ENAH: variants seen among roughly 807,000 people sequenced by gnomAD.
The protein encoded by ENAH is ENAH actin regulator.
Under a neutral mutation model 78.7 loss-of-function variants are expected in ENAH, and 23 were observed. That is an observed-to-expected ratio of 0.29 (90% CI 0.21 to 0.41). The LOEUF is 0.41. Among genes scored for constraint, ENAH ranks in the 10% least tolerant of loss-of-function variants. The probability of loss-of-function intolerance (pLI) is 1.00; values close to 1 mark genes in which losing one functional copy is unlikely to be tolerated. For synonymous variants in ENAH, 226 were observed against 241.0 expected, an observed-to-expected ratio of 0.94 and a Z score of 0.58; for missense variants, 544 against 691.0, an observed-to-expected ratio of 0.79 and a Z score of 2.39.
chr1:225,518,926 C>T (rs2096443370), intron 5 of ENAH: 3 of 458,750 alleles, frequency 6.5e-6, no homozygotes, highest in Non-Finnish European at 1.1e-5. Context: ...CACACTTACA[C>T]TTTATAGCCA....
rs560801824 is a variant in ENAH at position 225,512,136 on chromosome 1, T to C, written c.1423-277A>G. Among the ~76,000 whole-genome samples the C allele has an allele frequency of 7.2e-5, 11 of 152,298 alleles. No homozygotes were observed. In the South Asian group the frequency reaches 2.3e-3, roughly 32 times the overall value. On this transcript the variant is annotated intron_variant, in intron 9 of 13. Transcript: ENST00000366843. ...AGACACGAGAGACAGATTTGAGGAA[T>C]GGCATCTAAGGTGGCCAGATGGAGC...
chr1:225,648,724 C>A (rs1662421623), intron 1 of ENAH, among the ~76,000 whole-genome samples: 1 of 150,048 alleles, frequency 6.7e-6, no homozygotes, highest in African/African-American at 2.4e-5. Flanking sequence ...CTTGACACTT[C>A]ACAAAACAAT....
At position 225,593,244 on chromosome 1, in the gene ENAH, A is replaced by C. The variant is rs549341594; in HGVS notation, c.6-25830T>G. 9.2e-4 allele frequency among the ~76,000 whole-genome samples: 140 copies of C among 152,184 alleles called. 2 individuals are homozygous for C. In the South Asian group the frequency reaches 0.028, roughly 30 times the overall value. ...TCATAGTTCACATTAAAATTGAATG[A>C]GTATTTTATAATTCACCCCACTACA... On this transcript the variant is annotated intron_variant, in intron 1 of 13. Coordinates refer to ENST00000366843, the MANE Select transcript of ENAH (RefSeq NM_018212.6).
Position 225,533,316 on chromosome 1 carries a change from C to T in ENAH, c.350-2678G>A, listed in dbSNP as rs540049486. Reference sequence around the variant, plus strand: ...GGATCAGGCAAAGTCTGTCAGCTGCCGCTGTATGTTCAGGAATATAAACAT... The same window carrying T: ...GGATCAGGCAAAGTCTGTCAGCTGCTGCTGTATGTTCAGGAATATAAACAT... On this transcript the variant is annotated intron_variant, in intron 3 of 13. Transcript: ENST00000366843. Among the ~76,000 whole-genome samples, 8 of 152,218 alleles carry T rather than the reference C, an allele frequency of 5.3e-5. No homozygotes were observed. In the East Asian group the frequency reaches 5.8e-4, roughly 11 times the overall value.
At chr1:225,522,623 G>T (rs993177194) in intron 4 of ENAH, among the ~76,000 whole-genome samples, 9 of 152,134 alleles carry the variant, frequency 5.9e-5, no homozygotes, top group Non-Finnish European at 1.2e-4. Flanking sequence ...ATAAACAGAG[G>T]AAAGTCAGGG....
At chr1:225,615,768 G>A (rs1365703577) in intron 1 of ENAH, among the ~76,000 whole-genome samples, 11 of 148,080 alleles carry the variant, frequency 7.4e-5, no homozygotes, top group African/African-American at 2.5e-4. Flanking sequence ...GTCTCTGCCC[G>A]GCCGCCCCGT....
chr1:225,649,229 A>C (rs1662530170), intron 1 of ENAH, among the ~76,000 whole-genome samples: 1 of 152,178 alleles, frequency 6.6e-6, no homozygotes, highest in African/African-American at 2.4e-5. Context: ...GCTTGGACAA[A>C]TCCTCATAAC....
intron 3 of ENAH, among the ~76,000 whole-genome samples, chr1:225,542,275 A>G (rs1292146246): frequency 6.6e-6 from 1 of 152,208 alleles, no homozygotes; most frequent in African/African-American, 2.4e-5. Context: ...AAAGACTGCA[A>G]AGCCAGGACC....
chr1:225,553,397 A>G (rs188117690), intron 3 of ENAH, among the ~76,000 whole-genome samples: 40 of 152,334 alleles, frequency 2.6e-4, no homozygotes, highest in East Asian at 1.9e-4. Context: ...AGTTTCCAAT[A>G]TAAGTTCCTA....
Position 225,566,721 on chromosome 1 carries a change from T to C in ENAH, c.171+528A>G, listed in dbSNP as rs146728165. Among the ~76,000 whole-genome samples, 134 of 152,338 alleles carry C rather than the reference T, an allele frequency of 8.8e-4. 1 individual carries two copies. The highest frequency in any genetic ancestry group is 3.2e-3 in the African/African-American group (134 of 41,578). On this transcript the variant is annotated intron_variant, in intron 2 of 13. Coordinates refer to ENST00000366843, the MANE Select transcript of ENAH (RefSeq NM_018212.6). ...GTAATCAGATAATCCAGCTACTTTCTAAGAAATCCAGAGCGAGGAATTAGT... is the reference window on the plus strand; with the variant it reads ...GTAATCAGATAATCCAGCTACTTTCCAAGAAATCCAGAGCGAGGAATTAGT...
At chr1:225,615,482 G>A (rs1322533834) in intron 1 of ENAH, among the ~76,000 whole-genome samples, 2 of 152,138 alleles carry the variant, frequency 1.3e-5, no homozygotes, top group Non-Finnish European at 2.9e-5. Context: ...GGGAAGTGAG[G>A]AGCGTCTCTG....
chr1:225,520,426 A>G (rs2096458156), intron 4 of ENAH, among the ~76,000 whole-genome samples: 1 of 152,248 alleles, frequency 6.6e-6, no homozygotes, highest in African/African-American at 2.4e-5. Flanking sequence ...CTATATATAC[A>G]CATACGCGCA....
chr1:225,591,467 T>TAAA (rs776686674), intron 1 of ENAH, among the ~76,000 whole-genome samples: 1 of 113,266 alleles, frequency 8.8e-6, no homozygotes. Context: ...AAACTACGTT[T>TAAA]AAAAAAAAAA....
intron 1 of ENAH, among the ~76,000 whole-genome samples, chr1:225,630,438 G>A (rs1403042580): frequency 6.6e-6 from 1 of 152,118 alleles, no homozygotes; most frequent in Non-Finnish European, 1.5e-5. Flanking sequence ...CGTACATATA[G>A]GGTTCTTACG....
chr1:225,583,137 A>G (rs1311870598), intron 1 of ENAH, among the ~76,000 whole-genome samples: 1 of 152,184 alleles, frequency 6.6e-6, no homozygotes, highest in Non-Finnish European at 1.5e-5. Context: ...GCAAATAAAG[A>G]TATTTTAAGA....
At chr1:225,640,567 C>T (rs1660848303) in intron 1 of ENAH, among the ~76,000 whole-genome samples, 1 of 152,156 alleles carries the variant, frequency 6.6e-6, no homozygotes. Context: ...TGTATGAGAG[C>T]TTACTGGTTA....
chr1:225,593,198 C>A (rs1205429580), intron 1 of ENAH, among the ~76,000 whole-genome samples: 1 of 152,130 alleles, frequency 6.6e-6, no homozygotes, highest in Non-Finnish European at 1.5e-5. Flanking sequence ...CCCTGAAGAG[C>A]AAACAGATTT....
At chr1:225,583,664 C>T (rs2096830786) in intron 1 of ENAH, among the ~76,000 whole-genome samples, 1 of 151,520 alleles carries the variant, frequency 6.6e-6, no homozygotes, top group East Asian at 1.9e-4. Context: ...AAAAGTTAGC[C>T]AGGCATGGTG....
In ENAH at chr1:225,506,563, T is replaced by TAACTA. The variant is rs1558717009; in HGVS notation, c.1538+1387_1538+1388insTAGTT. Among the ~76,000 whole-genome samples the TAACTA allele has an allele frequency of 1.4e-4, 22 of 152,330 alleles. No individual in the cohort carries two copies. The East Asian group carries it at 4.0e-3, about 28-fold the overall frequency. On this transcript the variant is annotated intron_variant, in intron 11 of 13. Coordinates refer to ENST00000366843, the MANE Select transcript of ENAH (RefSeq NM_018212.6). Reference sequence around the variant, plus strand: ...AGAAAATCCGTAACTAGTAGAGATGTGTTAGAAGGCCATCTCAGTTAGGAG... The same window carrying TAACTA: ...AGAAAATCCGTAACTAGTAGAGATGTAACTAGTTAGAAGGCCATCTCAGTTAGGAG...
Sources: allele counts gnomAD v4.1 joint callset (sites outside exome capture counted in the v4.1 genomes callset), GRCh38; gene constraint gnomAD v4.1.1; transcripts MANE v1.5; gene names NCBI Gene and HGNC (gene_info 2026-07-23, HGNC 2026-07-21).